The following MAP1S variants were observed in gnomAD, a reference collection of about 807,000 sequenced individuals.
The protein encoded by MAP1S is microtubule-associated protein 1S.
MAP1S carries 27 observed loss-of-function variants against 60.9 expected under a neutral mutation model. The ratio of observed to expected loss-of-function variants is 0.44; its 90% CI spans 0.33 to 0.61. The LOEUF (loss-of-function observed/expected upper bound fraction) is 0.61, where lower values mean the gene tolerates loss of function less well. Among genes scored for constraint, MAP1S ranks in the 20% least tolerant of loss-of-function variants. The probability of loss-of-function intolerance (pLI) is 0.03; values close to 1 mark genes in which losing one functional copy is unlikely to be tolerated. For missense variants in MAP1S, 1,608 were observed against 1,486.6 expected (o/e 1.08, Z -1.34); for synonymous variants, 826 against 694.2 (o/e 1.19, Z -2.98).
At chr19:17,730,103 C>T (rs1445506033) in intron 5 of MAP1S, among the ~76,000 whole-genome samples, 3 of 152,040 alleles carry the variant, frequency 2.0e-5, no homozygotes, top group African/African-American at 7.2e-5. Flanking sequence ...CCACCACGCC[C>T]GACTCAACGT....
In MAP1S at chr19:17,726,775, T is replaced by C. The variant is rs765709928; in HGVS notation, c.1391T>C (p.Leu464Pro). 7 of 1,551,940 alleles carry C rather than the reference T, an allele frequency of 4.5e-6. No homozygotes were observed. Among genetic ancestry groups the C allele is most frequent in the Non-Finnish European group, 5.2e-6 (6 of 1,152,042 alleles). ...GAGCCCGTGGTGACGCCCCAGGACCTGGAGGGGCCGGGGCGAGCCGAGAGC... is the reference window on the plus strand; with the variant it reads ...GAGCCCGTGGTGACGCCCCAGGACCCGGAGGGGCCGGGGCGAGCCGAGAGC... ...LREPVVTPQD[L>P]EGPGRAESKE... The change falls in exon 5 of 7, where the codon CTG becomes CCG. Residue 464 changes from leucine to proline, a missense_variant. Leu to Pro is a moderately conservative substitution (Grantham distance 98). This residue lies in a region of MAP1S where 1,167 missense variants were observed against 961.4 expected (regional missense o/e 1.21). Transcript: ENST00000324096.
At chr19:17,728,234 T>G in intron 5 of MAP1S, 62 bp downstream of exon 5, 1 of 1,477,058 alleles carries the variant, frequency 6.8e-7, no homozygotes, top group South Asian at 1.4e-5. Flanking sequence ...AGAGCATAGC[T>G]CGTCCCCCTG....
chr19:17,723,682 C>G (rs1301828342), intron 2 of MAP1S, among the ~76,000 whole-genome samples: 1 of 152,090 alleles, frequency 6.6e-6, no homozygotes, highest in African/African-American at 2.4e-5. Context: ...AACCCTGTCT[C>G]TACTAAAAAT....
rs114462616 is a variant in MAP1S, at chr19:17,733,863, G to A, written c.3025-410G>A. 4.1e-3 allele frequency among the ~76,000 whole-genome samples: 628 copies of A among 152,338 alleles called. 3 individuals are homozygous for A. The highest frequency in any genetic ancestry group is 0.017 in the Middle Eastern group (5 of 294). ...CAGAGGGAGGACCGCCTCACACCGCGGCCCCTGCCCTCTCATAGCTGCTAG... is the reference window on the plus strand; with the variant it reads ...CAGAGGGAGGACCGCCTCACACCGCAGCCCCTGCCCTCTCATAGCTGCTAG... On this transcript the variant is annotated intron_variant, in intron 6 of 6. Transcript: ENST00000324096.
At chr19:17,728,296 C>G (rs1388243222) in intron 5 of MAP1S, 124 bp downstream of exon 5, 2 of 1,115,562 alleles carry the variant, frequency 1.8e-6, no homozygotes, top group African/African-American at 1.6e-5. Context: ...TGTCTCTGAG[C>G]TGGAGTGCAG....
Position 17,725,049 on chromosome 19 carries a change from C to A in MAP1S, c.304C>A (p.Leu102Ile). The change falls in exon 4 of 7, where the codon CTC becomes ATC. Residue 102 changes from leucine to isoleucine, a missense_variant and splice_region_variant. By Grantham distance (5) the Leu-to-Ile change is conservative (BLOSUM62 2). Transcript: ENST00000324096. This position sits in a 1 kb window ranked among gnomAD's most constrained non-coding sequence, Gnocchi z 4.2. ...NPSDKSLYDE[L>I]RNLLLDPASH... ...CTTTAGTGTTCACCCCCTCCCTCAG[C>A]TCCGGAACCTTCTGTTGGACCCTGC... The A allele has an allele frequency of 1.2e-6, 2 of 1,614,178 alleles. No homozygotes were observed. The highest frequency in any genetic ancestry group is 2.2e-5 in the South Asian group (2 of 91,084).
chr19:17,727,343 G>T lies in MAP1S; in HGVS notation c.1959G>T (p.Arg653=). The T allele has an allele frequency of 6.3e-7, 1 of 1,588,166 alleles. No homozygotes were observed. The highest frequency in any genetic ancestry group is 8.5e-7 in the Non-Finnish European group (1 of 1,171,172). ...SHRSPAEGSE[R]LSLSPLRGGE... ...GGAGCCCCGCAGAGGGCAGCGAGCG[G>T]CTGTCGCTGAGCCCACTGCGGGGCG... The change falls in exon 5 of 7, where the codon CGG becomes CGT. Residue 653 remains arginine, a synonymous_variant. Transcript: ENST00000324096. This position sits in a 1 kb window ranked among gnomAD's most constrained non-coding sequence, Gnocchi z 4.1.
intron 6 of MAP1S, among the ~76,000 whole-genome samples, chr19:17,733,867 C>G (rs534161385): frequency 1.1e-3 from 166 of 152,224 alleles, no homozygotes; most frequent in Non-Finnish European, 1.9e-3. Context: ...CACCGCGGCC[C>G]CTGCCCTCTC....
rs370852096 is a variant in MAP1S, at chr19:17,726,071, C to T, written c.687C>T (p.Pro229=). ...EPPSPFELLE[P]PTSGGFLRLG... ...CGTCCCCCTTCGAGCTGCTGGAGCC[C>T]CCGACCTCCGGGGGCTTCCTCAGGC... The change falls in exon 5 of 7, where the codon CCC becomes CCT. Residue 229 remains proline (P), a synonymous_variant. Transcript: ENST00000324096. 2 of 1,613,612 alleles carry T rather than the reference C, an allele frequency of 1.2e-6. No individual in the cohort carries two copies. Among genetic ancestry groups the T allele is most frequent in the African/African-American group, 1.3e-5 (1 of 74,920 alleles).
At chr19:17,733,165 C>T in intron 5 of MAP1S, 28 bp from the exon 6 acceptor site, 1 of 1,373,264 alleles carries the variant, frequency 7.3e-7, no homozygotes, top group African/African-American at 1.4e-5. Context: ...AGGAGCTCAT[C>T]CCTGCCTCCC....
At position 17,728,021 on chromosome 19, in the gene MAP1S, T is replaced by C. The variant is rs553290227; in HGVS notation, c.2637T>C (p.Thr879=). Reference sequence around the variant, plus strand: ...CACGCGCTGCCGCCCCCAAAGCCACTCCAGTGGCTGCTGCCAAAACCAAGG... The same window carrying C: ...CACGCGCTGCCGCCCCCAAAGCCACCCCAGTGGCTGCTGCCAAAACCAAGG... ...PNSRAAAPKA[T]PVAAAKTKGL... is the part of the protein sequence containing the mutation. The change falls in exon 5 of 7, where the codon ACT becomes ACC. Residue 879 remains threonine, a synonymous_variant. Coordinates refer to ENST00000324096, the MANE Select transcript of MAP1S (RefSeq NM_018174.6). 1.4e-5 allele frequency: 23 copies of C among 1,611,796 alleles called. 1 individual carries two copies. In the South Asian group the frequency reaches 2.4e-4, roughly 17 times the overall value.
intron 5 of MAP1S, chr19:17,728,730 A>T (rs1421382560): frequency 6.6e-6 from 1 of 151,802 alleles, no homozygotes; most frequent in African/African-American, 2.4e-5. Flanking sequence ...TAATTTTTGT[A>T]TTTTTAGTAG....
intron 5 of MAP1S, 168 bp from the exon 6 acceptor site, chr19:17,733,025 A>T: frequency 1.8e-6 from 1 of 565,858 alleles, no homozygotes; most frequent in Non-Finnish European, 3.1e-6. Context: ...CATTTCTTAA[A>T]ATAAGATTCA....
rs762930175 is a variant in MAP1S at position 17,726,663 on chromosome 19, G to A, written c.1279G>A (p.Val427Met). Residue 427 changes from valine (V) to methionine (M), a missense_variant, in exon 5 of 7, where the codon GTG (valine) becomes ATG (methionine). Coordinates refer to ENST00000324096, the MANE Select transcript of MAP1S (RefSeq NM_018174.6). ...VWHPAGPGEK[V>M]VRVLFPGCTP... ...GCACCCCGCCGGCCCCGGCGAGAAG[G>A]TGGTGCGCGTGCTGTTCCCCGGTTG... 1.3e-6 allele frequency: 2 copies of A among 1,582,004 alleles called. No individual in the cohort carries two copies. Among genetic ancestry groups the A allele is most frequent in the Admixed American group, 1.8e-5 (1 of 56,478 alleles).
chr19:17,728,368 G>C (rs1006482128), intron 5 of MAP1S, among the ~76,000 whole-genome samples, 196 bp downstream of exon 5: 1 of 152,118 alleles, frequency 6.6e-6, no homozygotes, highest in Non-Finnish European at 1.5e-5. Context: ...TCCCACCTCA[G>C]CCTCTCCAGT....
At position 17,734,446 on chromosome 19, in the gene MAP1S, C is replaced by A. The variant is rs777870442; in HGVS notation, c.*18C>A. ...AGTTCTAGCCCCATCGCCGACACGC[C>A]CCCCACTCAGCCCAGCCCGCCTGTC... On this transcript the variant is annotated 3_prime_UTR_variant, in exon 7 of 7. Coordinates refer to ENST00000324096, the MANE Select transcript of MAP1S (RefSeq NM_018174.6). The A allele has an allele frequency of 3.1e-6, 5 of 1,597,596 alleles. No individual in the cohort carries two copies. Among genetic ancestry groups the A allele is most frequent in the Non-Finnish European group, 4.3e-6 (5 of 1,170,848 alleles).
Position 17,727,216 on chromosome 19 carries a change from T to G in MAP1S, c.1832T>G (p.Leu611Arg). 2.5e-6 allele frequency: 4 copies of G among 1,568,740 alleles called. No individual in the cohort carries two copies. Among genetic ancestry groups the G allele is most frequent in the Non-Finnish European group, 3.4e-6 (4 of 1,161,876 alleles). The change falls in exon 5 of 7, where the codon CTG (leucine) becomes CGG (arginine). Residue 611 changes from leucine to arginine, a missense_variant. Around this residue, in one of 4 missense-constraint regions of MAP1S, gnomAD observed 1,167 missense variants for 961.4 expected, o/e 1.21. Transcript: ENST00000324096. This position sits in a 1 kb window ranked among gnomAD's most constrained non-coding sequence, Gnocchi z 4.1. ...TCCCAGCTGGTGGCCACGCCCAGCC[T>G]GGAGCTGGGGCCGATCCCAGCCGGG... ...PASQLVATPS[L>R]ELGPIPAGEE...
intron 5 of MAP1S, among the ~76,000 whole-genome samples, chr19:17,732,416 T>C (rs1471602567): frequency 6.6e-6 from 1 of 152,166 alleles, no homozygotes; most frequent in African/African-American, 2.4e-5. Context: ...GACCCAGCCG[T>C]ATCCTTTCAT....
Position 17,727,454 on chromosome 19 carries a change from C to T in MAP1S, c.2070C>T (p.His690=). 2.5e-6 allele frequency: 4 copies of T among 1,605,508 alleles called. No individual in the cohort carries two copies. The highest frequency in any genetic ancestry group is 3.4e-6 in the Non-Finnish European group (4 of 1,176,584). ...PSLPAEVGSP[H]STEVDESLSV... is the part of the protein sequence containing the mutation. The stretch of plus-strand genomic sequence containing the variant: ...TACCCGCAGAGGTGGGCTCCCCGCA[C>T]TCGACCGAGGTGGACGAGTCCCTGT... The change falls in exon 5 of 7, where the codon CAC becomes CAT. Residue 690 remains histidine, a synonymous_variant. Coordinates refer to ENST00000324096, the MANE Select transcript of MAP1S (RefSeq NM_018174.6). The surrounding 1 kb of genome is among the most constrained non-coding windows in gnomAD (Gnocchi z 4.1).
Sources: gnomAD v4.1 joint callset for allele counts (sites outside exome capture counted in the v4.1 genomes callset) on GRCh38, gnomAD v4.1.1 for gene constraint, gnomAD v4.1.1 regional missense constraint, Gnocchi (gnomAD v3.1) non-coding constraint, MANE v1.5 for transcripts, NCBI Gene and HGNC (gene_info 2026-07-23, HGNC 2026-07-21) for gene names.